The following RBCK1 variants were observed in gnomAD, a reference collection of about 807,000 sequenced individuals.
RBCK1 encodes the protein ranBP-type and C3HC4-type zinc finger-containing protein 1.
RBCK1 carries 44 observed loss-of-function variants against 71.1 expected under a neutral mutation model. The ratio of observed to expected loss-of-function variants is 0.62; its 90% confidence interval spans 0.49 to 0.80. The LOEUF (loss-of-function observed/expected upper bound fraction) is 0.80. Ranked by LOEUF, RBCK1 falls within the 30% of genes least tolerant of loss-of-function variation. The pLI, the probability that RBCK1 is intolerant of heterozygous loss-of-function variation, is 0.00. For missense variants in RBCK1, 569 were observed against 685.0 expected (o/e 0.83, Z 1.89); for synonymous variants, 306 against 279.7 (o/e 1.09, Z -0.94).
At chr20:426,816 CTTTTTTTTTTTTTTTTTT>C (rs768525416) in intron 8 of RBCK1, among the ~76,000 whole-genome samples, 1 of 95,508 alleles carries the variant, frequency 1.0e-5, no homozygotes, top group East Asian at 2.8e-4. Context: ...TTTTCTTTTC[CTTTTTTTTTTTTTTTTTT>C]TTTTTTTTTT....
intron 2 of RBCK1, among the ~76,000 whole-genome samples, chr20:412,918 T>C (rs1348196203): frequency 6.6e-6 from 1 of 152,246 alleles, no homozygotes; most frequent in Admixed American, 6.5e-5. Context: ...TTTATGGTTT[T>C]AGCTCTTACA....
At position 408,601 on chromosome 20, in the gene RBCK1, C is replaced by T. The variant is rs1450003360; in HGVS notation, c.-157C>T. 6.7e-6 allele frequency: 6 copies of T among 901,676 alleles called. No individual in the cohort carries two copies. Among genetic ancestry groups the T allele is most frequent in the Non-Finnish European group, 1.1e-5 (6 of 568,952 alleles). The allele number at this position is 901,676 out of a possible 1,614,324, so 55.9% of individuals were successfully genotyped here. A position where few individuals can be genotyped will look rare whatever the true frequency, so the allele number is the denominator to read the frequency against. On this transcript the variant is annotated 5_prime_UTR_variant, in exon 1 of 12. Coordinates refer to ENST00000356286, the MANE Select transcript of RBCK1 (RefSeq NM_031229.4). ...GGGCAGTGTGATGCTTCCCGACTGCCGCGGGGACAGCGAGGCACACACAGG... is the reference window on the plus strand; with the variant it reads ...GGGCAGTGTGATGCTTCCCGACTGCTGCGGGGACAGCGAGGCACACACAGG...
intron 4 of RBCK1, among the ~76,000 whole-genome samples, chr20:418,375 CT>C (rs563108799): frequency 3.6e-4 from 54 of 148,062 alleles, no homozygotes; most frequent in African/African-American, 4.9e-4. Flanking sequence ...CATGTGCTTT[CT>C]TTTTTTTTTT....
chr20:408,454 G>A lies in RBCK1; in HGVS notation c.-304G>A, dbSNP rs778692739. ...GGAACGCCCCGGCTGGGTGGTGTCC[G>A]GGCGTCCTTTCCCCGCTTCTTCCCA... On this transcript the variant is annotated 5_prime_UTR_variant, in exon 1 of 12. Coordinates refer to ENST00000356286, the MANE Select transcript of RBCK1 (RefSeq NM_031229.4). 48 of 515,648 alleles carry A rather than the reference G, an allele frequency of 9.3e-5. No homozygotes were observed. Among genetic ancestry groups the A allele is most frequent in the Non-Finnish European group, 1.5e-4 (45 of 291,480 alleles). The allele number at this position is 515,648 out of a possible 1,614,324, so 31.9% of individuals were successfully genotyped here.
intron 2 of RBCK1, among the ~76,000 whole-genome samples, chr20:413,815 T>C (rs1186003084): frequency 6.6e-6 from 1 of 151,442 alleles, no homozygotes; most frequent in Non-Finnish European, 1.5e-5. Context: ...GGTAATAACA[T>C]AGTTTACTTA....
At chr20:424,604 T>G (rs2016606686) in intron 8 of RBCK1, among the ~76,000 whole-genome samples, 1 of 152,194 alleles carries the variant, frequency 6.6e-6, no homozygotes, top group Non-Finnish European at 1.5e-5. Flanking sequence ...TTTTTCTCTG[T>G]TGTCTCTGGG....
intron 1 of RBCK1, among the ~76,000 whole-genome samples, chr20:409,003 G>C (rs1044284622): frequency 1.3e-5 from 2 of 152,210 alleles, no homozygotes; most frequent in Admixed American, 6.5e-5. Context: ...GGGGCTAGGG[G>C]ACTCGCAGAG....
intron 6 of RBCK1, chr20:420,149 C>T: frequency 3.0e-6 from 3 of 985,194 alleles, no homozygotes; most frequent in Non-Finnish European, 3.6e-6. Context: ...TCGCCGTGAC[C>T]TCACCCTGGA....
At chr20:413,972 A>C (rs2015851056) in intron 2 of RBCK1, among the ~76,000 whole-genome samples, 1 of 151,870 alleles carries the variant, frequency 6.6e-6, no homozygotes, top group African/African-American at 2.4e-5. Context: ...GTAAGGAAAT[A>C]CAGTAAAAAT....
chr20:420,790 GC>G, intron 6 of RBCK1, 80 bp from the exon 7 acceptor site: 1 of 1,233,568 alleles, frequency 8.1e-7, no homozygotes, highest in Non-Finnish European at 1.1e-6. Flanking sequence ...CCCTGACCAC[GC>G]CCCCTGGCCC....
At chr20:419,001 T>C (rs549445505) in intron 4 of RBCK1, among the ~76,000 whole-genome samples, 5 of 152,286 alleles carry the variant, frequency 3.3e-5, no homozygotes, top group Admixed American at 3.3e-4. Flanking sequence ...TGGCGGGGGT[T>C]GGGGGCTGAT....
rs999354099 is a variant in RBCK1 at position 408,625 on chromosome 20, G to C, written c.-133G>C. 5.1e-6 allele frequency: 6 copies of C among 1,177,446 alleles called. No homozygotes were observed. The highest frequency in any genetic ancestry group is 6.2e-6 in the Non-Finnish European group (5 of 811,908). 72.9% of individuals were successfully genotyped at this position (1,177,446 alleles called of 1,614,324 possible). ...CCGCGGGGACAGCGAGGCACACACA[G>C]GGCTTGGGCCGCGCCGGAGGCCACA... On this transcript the variant is annotated 5_prime_UTR_variant, in exon 1 of 12. Transcript: ENST00000356286.
rs1386309058 is a variant in RBCK1 at position 422,297 on chromosome 20, G to A, written c.1029+59G>A. ...CCCAACTCCTAAGGAACTGGGCCCT[G>A]AGCAGGCAGCAGACATCTTTCTTTT... On this transcript the variant is annotated intron_variant, in intron 8 of 11. Coordinates refer to ENST00000356286, the MANE Select transcript of RBCK1 (RefSeq NM_031229.4). This position sits in a 1 kb window ranked among gnomAD's most constrained non-coding sequence, Gnocchi z 5.0. 11 of 1,375,600 alleles carry A rather than the reference G, an allele frequency of 8.0e-6. No homozygotes were observed. The Middle Eastern group carries it at 5.4e-4, about 68-fold the overall frequency. The allele number at this position is 1,375,600 out of a possible 1,614,324, so 85.2% of individuals were successfully genotyped here.
At chr20:427,595 C>T in intron 9 of RBCK1, 103 bp downstream of exon 9, 3 of 1,286,580 alleles carry the variant, frequency 2.3e-6, no homozygotes, top group Admixed American at 3.8e-5. Flanking sequence ...TGACACTGGC[C>T]TGCTGGTCAT....
In RBCK1 at chr20:419,734, G is replaced by A. The variant is rs146804136; in HGVS notation, c.756+3G>A. 6.3e-4 allele frequency: 980 copies of A among 1,551,560 alleles called. 6 individuals carry two copies. In the African/African-American group the frequency reaches 0.012, roughly 19 times the overall value. On this transcript the variant is annotated splice_donor_region_variant and intron_variant, in intron 6 of 11. Coordinates refer to ENST00000356286, the MANE Select transcript of RBCK1 (RefSeq NM_031229.4). ...AGGCGCTGCGTCAGTACCAGCAGGT[G>A]GGCGGGAAAGTCCCTGGACAGACAC...
At position 427,309 on chromosome 20, in the gene RBCK1, G is replaced by A. The variant is rs149038161; in HGVS notation, c.1030-4G>A. On this transcript the variant is annotated splice_polypyrimidine_tract_variant and splice_region_variant and intron_variant, in intron 8 of 11. Transcript: ENST00000356286. ...TGAGCAGCAAGGACATGGTGTGTTG[G>A]CAGCTCCTGACCCCTGAGGATTACC... 7.3e-5 allele frequency: 117 copies of A among 1,613,678 alleles called. No homozygotes were observed. The African/African-American group carries it at 1.3e-3, about 18-fold the overall frequency.
At chr20:413,353 T>C (rs548606452) in intron 2 of RBCK1, among the ~76,000 whole-genome samples, 82 of 152,270 alleles carry the variant, frequency 5.4e-4, no homozygotes, top group South Asian at 2.5e-3. Context: ...AGGGATTTCA[T>C]TGAATCTGTA....
intron 4 of RBCK1, among the ~76,000 whole-genome samples, chr20:418,967 G>T (rs897075761): frequency 6.6e-6 from 1 of 152,202 alleles, no homozygotes; most frequent in African/African-American, 2.4e-5. Flanking sequence ...CCCTTTCAAA[G>T]AGTCCAGGCC....
At chr20:425,871 C>T (rs1201698983) in intron 8 of RBCK1, among the ~76,000 whole-genome samples, 2 of 152,174 alleles carry the variant, frequency 1.3e-5, no homozygotes, top group South Asian at 2.1e-4. Flanking sequence ...GTGATGCGCC[C>T]GCCTCGGCCT....
Sources: allele counts gnomAD v4.1 joint callset (sites outside exome capture counted in the v4.1 genomes callset), GRCh38; gene constraint gnomAD v4.1.1; non-coding constraint Gnocchi (gnomAD v3.1); transcripts MANE v1.5; gene names NCBI Gene and HGNC (gene_info 2026-07-23, HGNC 2026-07-21).